The following CRYBA4 variants were observed in gnomAD, a reference collection of about 807,000 sequenced individuals.
The protein encoded by CRYBA4 is beta-crystallin A4.
A neutral mutation model predicts 31.7 loss-of-function variants in CRYBA4; 30 were observed. That is an observed-to-expected ratio of 0.95 (90% CI 0.71 to 1.28). The LOEUF is 1.28. Ranked by LOEUF, CRYBA4 falls within the 50% of genes most tolerant of loss-of-function variation. CRYBA4 has a pLI of 0.00. For synonymous variants in CRYBA4, 102 were observed against 102.3 expected, an observed-to-expected ratio of 1.00 and a Z score of 0.02; for missense variants, 225 against 260.7, an observed-to-expected ratio of 0.86 and a Z score of 0.94.
rs781075271 is a variant in CRYBA4, at chr22:26,625,462, C to CTCTA, written c.159-18_159-15dup. 2 of 1,613,382 alleles carry CTCTA rather than the reference C, an allele frequency of 1.2e-6. No homozygotes were observed. Among genetic ancestry groups the CTCTA allele is most frequent in the African/African-American group, 2.7e-5 (2 of 74,922 alleles). On this transcript the variant is annotated intron_variant, in intron 3 of 5. Coordinates refer to ENST00000354760, the MANE Select transcript of CRYBA4 (RefSeq NM_001886.3). ...GAGGGGGACGCTTACCTCCTGCACA[C>CTCTA]TCTACCCTCTGTCTGCAGGTGGGTG...
chr22:26,597,789 G>A, the CRYBA4 span, among the ~76,000 whole-genome samples: 2 of 152,156 alleles, frequency 1.3e-5, no homozygotes, highest in African/African-American at 4.8e-5. Context: ...ACAAGAAAAC[G>A]ATGCTCTTTT....
chr22:26,614,139 A>C, the CRYBA4 span, among the ~76,000 whole-genome samples: 297 of 152,264 alleles, frequency 2.0e-3, 4 homozygotes, highest in East Asian at 0.052. Flanking sequence ...TAGCAATTTT[A>C]ATTTTGCCCC....
the CRYBA4 span, chr22:26,607,996 A>G: frequency 7.5e-5 from 121 of 1,614,076 alleles, no homozygotes; most frequent in Non-Finnish European, 9.1e-5. Context: ...TCCCCGCGGA[A>G]GTTGGACTGC....
At chr22:26,592,329 C>CA in the CRYBA4 span, among the ~76,000 whole-genome samples, 1 of 152,230 alleles carries the variant, frequency 6.6e-6, no homozygotes, top group Non-Finnish European at 1.5e-5. Flanking sequence ...CAGCAGCTAA[C>CA]AGGGGGACAA....
At chr22:26,593,957 CAG>C in the CRYBA4 span, among the ~76,000 whole-genome samples, 1 of 152,208 alleles carries the variant, frequency 6.6e-6, no homozygotes, top group Non-Finnish European at 1.5e-5. Flanking sequence ...GATGTGGAAA[CAG>C]AGGCTCCAGC....
At chr22:26,626,348 G>A (rs1173235324) in intron 4 of CRYBA4, among the ~76,000 whole-genome samples, 2 of 152,192 alleles carry the variant, frequency 1.3e-5, no homozygotes, top group Admixed American at 1.3e-4. Context: ...AGGTTGCAGT[G>A]AGCCAAGATC....
rs1338737764 is a variant in CRYBA4 at position 26,622,576 on chromosome 22, C to T, written c.-12-9C>T. ...GGGTGGAAGATTATAATGTTCTTCT[C>T]TTCTGCAGGAAGGGGCCACAATGAC... On this transcript the variant is annotated splice_polypyrimidine_tract_variant and intron_variant, in intron 1 of 5. Transcript: ENST00000354760. 1.2e-6 allele frequency: 2 copies of T among 1,611,440 alleles called. No individual in the cohort carries two copies. The highest frequency in any genetic ancestry group is 2.2e-5 in the East Asian group (1 of 44,818).
chr22:26,617,293 A>G (rs1386566394), upstream of CRYBA4, among the ~76,000 whole-genome samples: 2 of 152,138 alleles, frequency 1.3e-5, no homozygotes, highest in African/African-American at 4.8e-5. Flanking sequence ...GGACAAAAAT[A>G]ATGCTCTCTT....
chr22:26,596,289 G>A, the CRYBA4 span, among the ~76,000 whole-genome samples: 2 of 152,068 alleles, frequency 1.3e-5, no homozygotes, highest in East Asian at 1.9e-4. Context: ...TAGAGATGGG[G>A]CTTCACCATG....
At chr22:26,615,380 TC>T in the CRYBA4 span, among the ~76,000 whole-genome samples, 3 of 152,182 alleles carry the variant, frequency 2.0e-5, no homozygotes, top group African/African-American at 7.2e-5. Flanking sequence ...TCTTTTTTTT[TC>T]TTGCTTTCGA....
the CRYBA4 span, among the ~76,000 whole-genome samples, chr22:26,615,659 G>T: frequency 6.6e-6 from 1 of 151,952 alleles, no homozygotes; most frequent in Non-Finnish European, 1.5e-5. Context: ...GATTACAGGC[G>T]CCCACCACTA....
At chr22:26,607,941 C>T in the CRYBA4 span, 13 of 1,614,222 alleles carry the variant, frequency 8.1e-6, no homozygotes, top group Non-Finnish European at 1.1e-5. Context: ...GCTGCTCGAC[C>T]ATGTGTTCCA....
the CRYBA4 span, among the ~76,000 whole-genome samples, chr22:26,601,220 G>T: frequency 0.17 from 25,286 of 152,118 alleles, 2,345 homozygotes; most frequent in East Asian, 0.31. Context: ...GTCTGGCATG[G>T]TCATTTGGAG....
chr22:26,617,099 G>A (rs118115451), upstream of CRYBA4, among the ~76,000 whole-genome samples: 10 of 152,224 alleles, frequency 6.6e-5, no homozygotes, highest in Admixed American at 2.6e-4. Context: ...AATACAGGCC[G>A]GGGACTGAGG....
At chr22:26,601,280 C>T in the CRYBA4 span, among the ~76,000 whole-genome samples, 1 of 152,106 alleles carries the variant, frequency 6.6e-6, no homozygotes, top group African/African-American at 2.4e-5. Context: ...TCCATGTATT[C>T]TCATGACATA....
In CRYBA4 at chr22:26,623,360, T is replaced by C. The variant is rs763104867; in HGVS notation, c.158+8T>C. On this transcript the variant is annotated splice_region_variant and intron_variant, in intron 3 of 5. Coordinates refer to ENST00000354760, the MANE Select transcript of CRYBA4 (RefSeq NM_001886.3). ...GAAAGTGCTGAGTGGAGCGTGAGTC[T>C]AGGGGGACACTGAGTTGGGGTAGAG... is the stretch of plus-strand genomic sequence containing the variant. 1.2e-6 allele frequency: 2 copies of C among 1,606,572 alleles called. No individual in the cohort carries two copies. Among genetic ancestry groups the C allele is most frequent in the South Asian group, 2.2e-5 (2 of 90,968 alleles).
chr22:26,613,945 CT>C, the CRYBA4 span, among the ~76,000 whole-genome samples: 2 of 152,212 alleles, frequency 1.3e-5, no homozygotes, highest in South Asian at 2.1e-4. Context: ...ACTGGCCCCC[CT>C]GGGCGTGGTC....
chr22:26,613,090 C>G, the CRYBA4 span, among the ~76,000 whole-genome samples: 1 of 152,194 alleles, frequency 6.6e-6, no homozygotes, highest in Non-Finnish European at 1.5e-5. Context: ...CAGCCCCAGC[C>G]CCAGTACCTG....
the CRYBA4 span, among the ~76,000 whole-genome samples, chr22:26,600,321 G>A: frequency 6.6e-6 from 1 of 151,944 alleles, no homozygotes; most frequent in African/African-American, 2.4e-5. Context: ...AGAACGGCGT[G>A]AACCCAGGAG....
Sources: gnomAD v4.1 joint callset for allele counts (sites outside exome capture counted in the v4.1 genomes callset) on GRCh38, gnomAD v4.1.1 for gene constraint, MANE v1.5 for transcripts, NCBI Gene and HGNC (gene_info 2026-07-23, HGNC 2026-07-21) for gene names.